ARHGAP24: variants seen among roughly 807,000 people sequenced by gnomAD.
ARHGAP24 encodes rho GTPase-activating protein 24.
ARHGAP24 carries 50 observed loss-of-function variants against 76.4 expected under a neutral mutation model. The ratio of observed to expected loss-of-function variants is 0.65; its 90% CI spans 0.52 to 0.83. The LOEUF is 0.83. Among genes scored for constraint, ARHGAP24 ranks in the 40% least tolerant of loss-of-function variants. The pLI is 0.00. For synonymous variants in ARHGAP24, 345 were observed against 323.3 expected (o/e 1.07, Z -0.72); for missense variants, 930 against 914.2 (o/e 1.02, Z -0.22).
chr4:85,742,264 G>A (rs1359040055), intron 3 of ARHGAP24, among the ~76,000 whole-genome samples: 4 of 152,188 alleles, frequency 2.6e-5, no homozygotes, highest in African/African-American at 4.8e-5. Flanking sequence ...TCACTGAGCC[G>A]AGATACTGAT....
chr4:85,949,071 T>C (rs1737451233), intron 5 of ARHGAP24, among the ~76,000 whole-genome samples: 1 of 152,232 alleles, frequency 6.6e-6, no homozygotes, highest in Admixed American at 6.5e-5. Context: ...GAATGTTCTC[T>C]ACATTCCAAG....
chr4:85,673,142 A>G (rs939497593), intron 2 of ARHGAP24, among the ~76,000 whole-genome samples: 15 of 152,196 alleles, frequency 9.9e-5, no homozygotes, highest in Admixed American at 3.3e-4. Context: ...TGTTCAGTCT[A>G]TAGCAGCTGT....
At chr4:85,698,293 G>C (rs902717222) in intron 2 of ARHGAP24, among the ~76,000 whole-genome samples, 1 of 152,196 alleles carries the variant, frequency 6.6e-6, no homozygotes, top group African/African-American at 2.4e-5. Context: ...TTCTGTGACT[G>C]TCTGCCTGGG....
At chr4:85,731,328 T>C (rs555831819) in intron 3 of ARHGAP24, among the ~76,000 whole-genome samples, 2 of 152,306 alleles carry the variant, frequency 1.3e-5, no homozygotes, top group South Asian at 2.1e-4. Flanking sequence ...ATACTCACAG[T>C]CCTTGCATTG....
At chr4:85,757,169 C>T (rs1294537385) in intron 3 of ARHGAP24, among the ~76,000 whole-genome samples, 1 of 151,236 alleles carries the variant, frequency 6.6e-6, no homozygotes, top group Non-Finnish European at 1.5e-5. Flanking sequence ...GGGGGATATA[C>T]CAGACACTCA....
chr4:85,513,559 TAA>T lies in ARHGAP24; in HGVS notation c.-21+38009_-21+38010del, dbSNP rs33971400. Among the ~76,000 whole-genome samples the T allele has an allele frequency of 7.1e-3, 1,083 of 151,506 alleles. 17 individuals carry two copies. The highest frequency in any genetic ancestry group is 0.025 in the African/African-American group (1,034 of 41,204). ...CCACTTAGAATGATTGCCTTTTTTT[TAA>T]AAAAAAAAGCTTCCTTGCATTTTTA... On this transcript the variant is annotated intron_variant, in intron 1 of 9. Transcript: ENST00000395184.
At chr4:85,924,012 T>G (rs1038295815) in intron 4 of ARHGAP24, among the ~76,000 whole-genome samples, 2 of 145,800 alleles carry the variant, frequency 1.4e-5, no homozygotes, top group South Asian at 2.1e-4. Flanking sequence ...AATGGGTGGG[T>G]TTTTTTTTTA....
chr4:85,642,999 A>T (rs12506145), intron 2 of ARHGAP24, among the ~76,000 whole-genome samples: 45,247 of 151,856 alleles, frequency 0.3, 8,149 homozygotes, highest in East Asian at 0.84. Context: ...TCAAAACCCC[A>T]GTCATAATCC....
At chr4:85,783,364 G>A (rs1727652256) in intron 3 of ARHGAP24, among the ~76,000 whole-genome samples, 1 of 152,080 alleles carries the variant, frequency 6.6e-6, no homozygotes, top group South Asian at 2.1e-4. Flanking sequence ...TTGTTTCAGT[G>A]ACTTCTGCTG....
chr4:85,993,286 A>C (rs1211553809), intron 8 of ARHGAP24, among the ~76,000 whole-genome samples: 1 of 152,134 alleles, frequency 6.6e-6, no homozygotes, highest in Non-Finnish European at 1.5e-5. Context: ...TTTATAATGC[A>C]AAATCTCATG....
chr4:85,725,690 C>T (rs1398076071), intron 3 of ARHGAP24, among the ~76,000 whole-genome samples: 3 of 152,254 alleles, frequency 2.0e-5, no homozygotes, highest in Admixed American at 2.0e-4. Flanking sequence ...ACTTCACATG[C>T]TAGTATTCTC....
At position 85,512,625 on chromosome 4, in the gene ARHGAP24, A is replaced by G. The variant is rs575047011; in HGVS notation, c.-21+37066A>G. ...GGAAATTTAGGGGCTCCCTAGAATA[A>G]CTCAGAGCTGTGAGTCATGGATAAT... On this transcript the variant is annotated intron_variant, in intron 1 of 9. Coordinates refer to ENST00000395184, the MANE Select transcript of ARHGAP24 (RefSeq NM_001025616.3). Among the ~76,000 whole-genome samples the G allele has an allele frequency of 1.4e-4, 21 of 152,344 alleles. No homozygotes were observed. In the East Asian group the frequency reaches 3.5e-3, roughly 25 times the overall value.
intron 7 of ARHGAP24, 56 bp downstream of exon 7, chr4:85,975,017 C>A (rs1739242086): frequency 6.7e-7 from 1 of 1,485,364 alleles, no homozygotes. Context: ...TAGCCTGATA[C>A]TAATTTGTGT....
At chr4:85,859,555 A>T (rs999650312) in intron 3 of ARHGAP24, among the ~76,000 whole-genome samples, 1 of 152,124 alleles carries the variant, frequency 6.6e-6, no homozygotes, top group South Asian at 2.1e-4. Context: ...ATTCTCTATA[A>T]ATAAGCCACA....
chr4:85,927,487 G>T (rs559094869), intron 4 of ARHGAP24, among the ~76,000 whole-genome samples: 1 of 152,270 alleles, frequency 6.6e-6, no homozygotes, highest in East Asian at 1.9e-4. Context: ...GGATTCTATG[G>T]TATGGGAATT....
chr4:85,534,038 G>A (rs1239512252), intron 1 of ARHGAP24, among the ~76,000 whole-genome samples: 2 of 152,174 alleles, frequency 1.3e-5, no homozygotes, highest in Admixed American at 1.3e-4. Flanking sequence ...AGTCCTGGAT[G>A]AAGAAATGAG....
chr4:85,748,616 A>C (rs923274049), intron 3 of ARHGAP24, among the ~76,000 whole-genome samples: 2 of 152,198 alleles, frequency 1.3e-5, no homozygotes, highest in African/African-American at 4.8e-5. Flanking sequence ...TATGAGAGAC[A>C]CAGTAAGAAA....
chr4:85,972,174 T>G lies in ARHGAP24; in HGVS notation c.732+6T>G, dbSNP rs1230021301. 1.2e-6 allele frequency: 2 copies of G among 1,613,344 alleles called. No homozygotes were observed. Among genetic ancestry groups the G allele is most frequent in the Non-Finnish European group, 1.7e-6 (2 of 1,179,940 alleles). On this transcript the variant is annotated splice_donor_region_variant and intron_variant, in intron 6 of 9. Coordinates refer to ENST00000395184, the MANE Select transcript of ARHGAP24 (RefSeq NM_001025616.3). ...TCAGCAAGGAAGAGGAAGCAGTAAG[T>G]TGATGCATTTATTTCCAAATAAGCT...
chr4:85,556,248 A>C (rs1157500581), intron 1 of ARHGAP24, among the ~76,000 whole-genome samples: 1 of 152,142 alleles, frequency 6.6e-6, no homozygotes, highest in East Asian at 1.9e-4. Context: ...TTTCTTCCCC[A>C]GACTGAGGGC....
Sources: allele counts gnomAD v4.1 joint callset (sites outside exome capture counted in the v4.1 genomes callset), GRCh38; gene constraint gnomAD v4.1.1; transcripts MANE v1.5; gene names NCBI Gene and HGNC (gene_info 2026-07-23, HGNC 2026-07-21).